The following METAP1D variants were observed in gnomAD, a reference collection of about 807,000 sequenced individuals.
METAP1D encodes methionine aminopeptidase 1D, mitochondrial.
Under a neutral mutation model 40.5 loss-of-function variants are expected in METAP1D, and 31 were observed. The observed-to-expected ratio is 0.77, with a 90% confidence interval of 0.58 to 1.03. The LOEUF is 1.03. Ranked by LOEUF, METAP1D falls within the 50% of genes least tolerant of loss-of-function variation. The pLI is 0.00. For missense variants in METAP1D, 411 were observed against 420.7 expected (o/e 0.98, Z 0.20); for synonymous variants, 151 against 146.4 (o/e 1.03, Z -0.22).
chr2:172,065,683 G>A lies in METAP1D; in HGVS notation c.428G>A (p.Gly143Asp), dbSNP rs1220297601. The change falls in exon 4 of 10, where the codon GGC (glycine) becomes GAC (aspartate). Residue 143 changes from glycine (G) to aspartate (D), a missense_variant. Coordinates refer to ENST00000315796, the MANE Select transcript of METAP1D (RefSeq NM_199227.3). ...CATAATGCCTATCCCTCACCTCTAG[G>A]CTATGGAGGTTTTCCAAAATCTGTT... ...ISHNAYPSPL[G>D]YGGFPKSVCT... is the part of the protein sequence containing the mutation. 2 of 1,613,914 alleles carry A rather than the reference G, an allele frequency of 1.2e-6. No individual in the cohort carries two copies. Among genetic ancestry groups the A allele is most frequent in the Non-Finnish European group, 1.7e-6 (2 of 1,179,898 alleles).
chr2:172,053,381 A>G (rs1465523123), intron 1 of METAP1D, among the ~76,000 whole-genome samples: 1 of 152,276 alleles, frequency 6.6e-6, no homozygotes, highest in Non-Finnish European at 1.5e-5. Flanking sequence ...TTAAAAATGT[A>G]TCAGATTGCT....
chr2:172,065,791 T>A, intron 4 of METAP1D, 39 bp downstream of exon 4: 1 of 1,591,948 alleles, frequency 6.3e-7, no homozygotes. Context: ...CTTTGGAAAC[T>A]AAAACATGAA....
At chr2:172,035,459 C>T (rs1574108531) in intron 1 of METAP1D, among the ~76,000 whole-genome samples, 1 of 152,130 alleles carries the variant, frequency 6.6e-6, no homozygotes. Context: ...CCACCACCCC[C>T]GGCCTACTGT....
chr2:172,063,698 CT>C lies in METAP1D; in HGVS notation c.199-8del. 1 of 1,604,740 alleles carries C rather than the reference CT, an allele frequency of 6.2e-7. No homozygotes were observed. Among genetic ancestry groups the C allele is most frequent in the Non-Finnish European group, 8.5e-7 (1 of 1,172,292 alleles). On this transcript the variant is annotated splice_polypyrimidine_tract_variant and intron_variant, in intron 2 of 9. Coordinates refer to ENST00000315796, the MANE Select transcript of METAP1D (RefSeq NM_199227.3). The stretch of plus-strand genomic sequence containing the variant: ...TGGGTTCTGATCTTCGTTTTCAATC[CT>C]TTTTCCTCAAGCACATAAAGAAGCC...
At chr2:172,029,621 T>C (rs977168287) in intron 1 of METAP1D, among the ~76,000 whole-genome samples, 2 of 152,168 alleles carry the variant, frequency 1.3e-5, no homozygotes, top group African/African-American at 4.8e-5. Flanking sequence ...AACATGAGCA[T>C]CTGTGGTGAG....
At chr2:172,058,872 T>C (rs897789921) in intron 1 of METAP1D, among the ~76,000 whole-genome samples, 1 of 152,202 alleles carries the variant, frequency 6.6e-6, no homozygotes, top group African/African-American at 2.4e-5. Context: ...CATCAGTGCC[T>C]TTCCCCAAGT....
At chr2:172,080,290 T>A (rs765796023) in intron 9 of METAP1D, 38 bp from the exon 10 acceptor site, 24 of 1,613,988 alleles carry the variant, frequency 1.5e-5, no homozygotes, top group Non-Finnish European at 1.9e-5. Flanking sequence ...CGGCCGGAGC[T>A]TGCGTGCGCG....
intron 1 of METAP1D, among the ~76,000 whole-genome samples, chr2:172,043,061 A>G (rs1248463083): frequency 1.8e-5 from 2 of 108,422 alleles, no homozygotes; most frequent in African/African-American, 2.9e-5. Flanking sequence ...ATATATGTGT[A>G]TATATATACG....
At chr2:172,061,785 C>A in intron 2 of METAP1D, 130 bp downstream of exon 2, 1 of 753,290 alleles carries the variant, frequency 1.3e-6, no homozygotes, top group Non-Finnish European at 2.0e-6. Context: ...GGTTTGTGAT[C>A]TAAAACTGTG....
At chr2:172,030,922 A>T (rs1206568209) in intron 1 of METAP1D, among the ~76,000 whole-genome samples, 2 of 152,242 alleles carry the variant, frequency 1.3e-5, no homozygotes, top group Admixed American at 6.5e-5. Flanking sequence ...TTTCAGAAGT[A>T]AAGACTTTAG....
intron 7 of METAP1D, among the ~76,000 whole-genome samples, chr2:172,078,492 T>C (rs1355964820): frequency 6.6e-6 from 1 of 152,150 alleles, no homozygotes; most frequent in African/African-American, 2.4e-5. Flanking sequence ...AGGAGGCAGC[T>C]CAGTGGAGCA....
At chr2:172,078,021 C>A in intron 7 of METAP1D, 127 bp downstream of exon 7, 2 of 333,610 alleles carry the variant, frequency 6.0e-6, no homozygotes, top group Non-Finnish European at 1.1e-5. Flanking sequence ...TGTTTATGTG[C>A]AGGGGGCAGG....
At position 172,051,125 on chromosome 2, in the gene METAP1D, T is replaced by C. The variant is rs560807179; in HGVS notation, c.41-10373T>C. 4.0e-4 allele frequency among the ~76,000 whole-genome samples: 61 copies of C among 152,316 alleles called. No homozygotes were observed. In the Middle Eastern group the frequency reaches 0.014, roughly 34 times the overall value. On this transcript the variant is annotated intron_variant, in intron 1 of 9. Transcript: ENST00000315796. Reference sequence around the variant, plus strand: ...TCTCAAATGGAGAAATTCCATGCAATAGCCCTATTGTACAAATTAAACATT... The same window carrying C: ...TCTCAAATGGAGAAATTCCATGCAACAGCCCTATTGTACAAATTAAACATT...
chr2:172,036,630 A>G (rs12989560), intron 1 of METAP1D, among the ~76,000 whole-genome samples: 73,331 of 151,628 alleles, frequency 0.48, 18,861 homozygotes, highest in East Asian at 0.84. Context: ...CTCCCAAAGT[A>G]CCGAGATTAC....
In METAP1D at chr2:172,043,430, T is replaced by A. The variant is rs1689666364; in HGVS notation, c.41-18068T>A. The stretch of plus-strand genomic sequence containing the variant: ...TGATGGAAAGCAAAGTCAACCCCAC[T>A]TGGTCACGACTCACTAACCTCCAAT... On this transcript the variant is annotated intron_variant, in intron 1 of 9. Coordinates refer to ENST00000315796, the MANE Select transcript of METAP1D (RefSeq NM_199227.3). 1.5e-5 allele frequency among the ~76,000 whole-genome samples: 2 copies of A among 132,790 alleles called. 1 individual carries two copies. The highest frequency in any genetic ancestry group is 5.1e-5 in the African/African-American group (2 of 39,334). 87.1% of individuals were successfully genotyped at this position (132,790 alleles called of 152,430 possible). A position where few individuals can be genotyped will look rare whatever the true frequency, so the allele number is the denominator to read the frequency against.
Position 172,067,985 on chromosome 2 carries a change from A to T in METAP1D, c.540+1679A>T, listed in dbSNP as rs184871184. On this transcript the variant is annotated intron_variant, in intron 5 of 9. Transcript: ENST00000315796. Reference sequence around the variant, plus strand: ...CATCTTAGAATTATTGACGTCTAGTATACATCACAAGAAATTAGATTTCCT... The same window carrying T: ...CATCTTAGAATTATTGACGTCTAGTTTACATCACAAGAAATTAGATTTCCT... 1.1e-4 allele frequency among the ~76,000 whole-genome samples: 17 copies of T among 152,380 alleles called. No individual in the cohort carries two copies. The South Asian group carries it at 1.4e-3, about 13-fold the overall frequency.
intron 1 of METAP1D, among the ~76,000 whole-genome samples, chr2:172,016,331 A>AT (rs1491415245): frequency 2.2e-4 from 22 of 99,796 alleles, no homozygotes; most frequent in South Asian, 1.6e-3. Flanking sequence ...ATATATATAT[A>AT]AATAGTCCAG....
intron 1 of METAP1D, among the ~76,000 whole-genome samples, chr2:172,010,629 A>G (rs1298807911): frequency 6.7e-6 from 1 of 149,722 alleles, no homozygotes; most frequent in African/African-American, 2.5e-5. Context: ...AGTGGCTGAG[A>G]TTGTAGGCGT....
intron 5 of METAP1D, among the ~76,000 whole-genome samples, chr2:172,066,949 A>G (rs1452674902): frequency 6.6e-6 from 1 of 152,236 alleles, no homozygotes; most frequent in African/African-American, 2.4e-5. Flanking sequence ...AGTTTTCACC[A>G]AATGGTTAAT....
Sources: allele counts gnomAD v4.1 joint callset (sites outside exome capture counted in the v4.1 genomes callset), GRCh38; gene constraint gnomAD v4.1.1; transcripts MANE v1.5; gene names NCBI Gene and HGNC (gene_info 2026-07-23, HGNC 2026-07-21).